Variants in VIP observed in about 807,000 individuals in gnomAD.
VIP encodes the protein VIP peptides.
A neutral mutation model predicts 20.1 loss-of-function variants in VIP; 18 were observed. That is an observed-to-expected ratio of 0.90 (90% CI 0.62 to 1.33). The LOEUF is 1.33. Among genes scored for constraint, VIP ranks in the 40% most tolerant of loss-of-function variants. The probability of loss-of-function intolerance (pLI) is 0.00; values close to 1 mark genes in which losing one functional copy is unlikely to be tolerated. For missense variants in VIP, 209 were observed against 199.4 expected, an observed-to-expected ratio of 1.05 and a Z score of -0.29; for synonymous variants, 70 against 68.1, an observed-to-expected ratio of 1.03 and a Z score of -0.14.
rs758091700 is a variant in VIP, at chr6:152,757,175, C to G, written c.*34C>G. 1.2e-6 allele frequency: 2 copies of G among 1,605,796 alleles called. No individual in the cohort carries two copies. Among genetic ancestry groups the G allele is most frequent in the Admixed American group, 3.4e-5 (2 of 59,638 alleles). ...ACCTTTGGAGCAAAGCTGATGACAA[C>G]TTCCCAGTGGTGGGTATATTCGTGC... On this transcript the variant is annotated 3_prime_UTR_variant, in exon 6 of 7. Transcript: ENST00000367244.
chr6:152,755,731 A>G (rs1393417928), intron 4 of VIP, among the ~76,000 whole-genome samples: 1 of 151,936 alleles, frequency 6.6e-6, no homozygotes, highest in Admixed American at 6.6e-5. Flanking sequence ...GCTCAAATTA[A>G]ATGGAGAATT....
chr6:152,752,217 A>G lies in VIP; in HGVS notation c.40A>G (p.Thr14Ala). The change falls in exon 2 of 7, where the codon ACT becomes GCT. Residue 14 changes from threonine to alanine, a missense_variant. Transcript: ENST00000367244. Reference sequence around the variant, plus strand: ...TAAGGCCCAGCTCCTTGTGCTCCTGACTCTTCTCAGTGTGCTCTTCTCACA... The same window carrying G: ...TAAGGCCCAGCTCCTTGTGCTCCTGGCTCTTCTCAGTGTGCTCTTCTCACA... ...RNKAQLLVLL[T>A]LLSVLFSQTS... 1 of 1,613,272 alleles carries G rather than the reference A, an allele frequency of 6.2e-7. No homozygotes were observed. The highest frequency in any genetic ancestry group is 1.1e-5 in the South Asian group (1 of 91,034).
intron 6 of VIP, among the ~76,000 whole-genome samples, chr6:152,758,657 A>C (rs2129075365): frequency 6.6e-6 from 1 of 152,138 alleles, no homozygotes; most frequent in South Asian, 2.1e-4. Flanking sequence ...TGGGTCATCC[A>C]TTAGTGAAAA....
chr6:152,757,269 C>T (rs1461889612), intron 6 of VIP, 85 bp downstream of exon 6: 3 of 864,282 alleles, frequency 3.5e-6, no homozygotes, highest in Non-Finnish European at 5.3e-6. Context: ...TAAGAAACAT[C>T]TTAGGGTTAA....
chr6:152,756,797 C>T (rs2099730496), intron 5 of VIP, among the ~76,000 whole-genome samples: 1 of 151,802 alleles, frequency 6.6e-6, no homozygotes, highest in Non-Finnish European at 1.5e-5. Flanking sequence ...GTGTAGTGTT[C>T]TGTCTTTTTA....
chr6:152,757,606 A>G (rs1478279000), intron 6 of VIP, among the ~76,000 whole-genome samples: 1 of 151,950 alleles, frequency 6.6e-6, no homozygotes, highest in Non-Finnish European at 1.5e-5. Flanking sequence ...AAGTATAGGG[A>G]AATAGCACCA....
chr6:152,754,233 G>A lies in VIP; in HGVS notation c.175G>A (p.Asp59Asn). ...TCAAGTTTCATTAAAAGAAGACATT[G>A]ACATGTTGCAAAATGCATTAGCTGA... ...PDQVSLKEDI[D>N]MLQNALAEND... The change falls in exon 3 of 7, where the codon GAC (aspartate) becomes AAC (asparagine). Residue 59 changes from aspartate (D) to asparagine (N), a missense_variant. By Grantham distance (23) the Asp-to-Asn change is conservative (BLOSUM62 1). Coordinates refer to ENST00000367244, the MANE Select transcript of VIP (RefSeq NM_003381.4). 1 of 1,611,972 alleles carries A rather than the reference G, an allele frequency of 6.2e-7. No individual in the cohort carries two copies. Among genetic ancestry groups the A allele is most frequent in the Non-Finnish European group, 8.5e-7 (1 of 1,178,782 alleles).
chr6:152,753,631 A>G (rs895526121), intron 2 of VIP, among the ~76,000 whole-genome samples: 3 of 152,110 alleles, frequency 2.0e-5, no homozygotes, highest in African/African-American at 7.2e-5. Context: ...CAATACAGAG[A>G]AATATATAAT....
At position 152,754,103 on chromosome 6, in the gene VIP, G is replaced by A. The variant is rs112924163; in HGVS notation, c.108-63G>A. On this transcript the variant is annotated intron_variant, in intron 2 of 6. Transcript: ENST00000367244. Reference sequence around the variant, plus strand: ...TAAGTATCTTATTTTAAATGGTTGCGGAACCATACACACTGTCTTCTGAAA... The same window carrying A: ...TAAGTATCTTATTTTAAATGGTTGCAGAACCATACACACTGTCTTCTGAAA... 1.3e-3 allele frequency: 2,060 copies of A among 1,532,858 alleles called. 29 individuals carry two copies. The African/African-American group carries it at 0.025, about 19-fold the overall frequency. 95.0% of individuals were successfully genotyped at this position (1,532,858 alleles called of 1,614,324 possible).
chr6:152,757,113 C>A lies in VIP; in HGVS notation c.485C>A (p.Pro162His), dbSNP rs571339006. ...NGKRSSEGESPDFPEELEK is the reference protein window; with the variant it reads ...NGKRSSEGESHDFPEELEK ...GTCTGCAGCAGTGAGGGAGAATCTC[C>A]CGACTTTCCAGAAGAGTTAGAAAAA... Residue 162 changes from proline (P) to histidine (H), a missense_variant, in exon 6 of 7, where the codon CCC becomes CAC. By Grantham distance (77) the Pro-to-His change is moderately conservative. Coordinates refer to ENST00000367244, the MANE Select transcript of VIP (RefSeq NM_003381.4). 1 of 1,611,784 alleles carries A rather than the reference C, an allele frequency of 6.2e-7. No individual in the cohort carries two copies. Among genetic ancestry groups the A allele is most frequent in the South Asian group, 1.1e-5 (1 of 90,940 alleles).
At chr6:152,751,150 T>C (rs762736162) in intron 1 of VIP, among the ~76,000 whole-genome samples, 191 bp downstream of exon 1, 1 of 152,200 alleles carries the variant, frequency 6.6e-6, no homozygotes, top group Non-Finnish European at 1.5e-5. Context: ...ATAGATTTTC[T>C]GAATTCTTTT....
Position 152,756,267 on chromosome 6 carries a change from TAAAGAA to T in VIP, c.467+8_467+13del. 6.2e-7 allele frequency: 1 copy of T among 1,602,000 alleles called. No homozygotes were observed. The highest frequency in any genetic ancestry group is 8.5e-7 in the Non-Finnish European group (1 of 1,175,444). ...CTCAATTCTGAATGGAAAGAGGAGG[TAAAGAA>T]AAAGAGAACTTGCTAAAATGAGGAA... On this transcript the variant is annotated splice_donor_5th_base_variant and intron_variant, in intron 5 of 6. Coordinates refer to ENST00000367244, the MANE Select transcript of VIP (RefSeq NM_003381.4).
In VIP at chr6:152,755,375, TA is replaced by T; in HGVS notation, c.335+5del. ...GTCTCTTATGGGAAAACGTGTTAGG[TA>T]AAGAGAATTTATTATTTTTATAAAA... On this transcript the variant is annotated splice_donor_region_variant and intron_variant, in intron 4 of 6. Transcript: ENST00000367244. The T allele has an allele frequency of 6.7e-7, 1 of 1,493,686 alleles. No individual in the cohort carries two copies. The highest frequency in any genetic ancestry group is 9.0e-7 in the Non-Finnish European group (1 of 1,105,262). 92.5% of individuals were successfully genotyped at this position (1,493,686 alleles called of 1,614,324 possible).
intron 2 of VIP, 103 bp downstream of exon 2, chr6:152,752,387 A>T (rs2099729777): frequency 6.4e-6 from 6 of 936,548 alleles, no homozygotes; most frequent in Non-Finnish European, 9.2e-6. Flanking sequence ...ATTATGTATT[A>T]TGTATTTAAA....
At chr6:152,754,400 C>A in intron 3 of VIP, 112 bp downstream of exon 3, 1 of 997,700 alleles carries the variant, frequency 1.0e-6, no homozygotes, top group Non-Finnish European at 1.4e-6. Context: ...TAGCAAAACA[C>A]TAGAGGTTTC....
chr6:152,759,226 C>A lies in VIP; in HGVS notation c.*360C>A, dbSNP rs2099730867. The A allele has an allele frequency of 6.6e-6, 1 of 151,796 alleles. No individual in the cohort carries two copies. 9.4% of individuals were successfully genotyped at this position (151,796 alleles called of 1,614,324 possible). Reference sequence around the variant, plus strand: ...CGTTTTTGGAAGAGTAGTAATAGAGCAAAATTGATGTGTTTATTTATAGAG... The same window carrying A: ...CGTTTTTGGAAGAGTAGTAATAGAGAAAAATTGATGTGTTTATTTATAGAG... On this transcript the variant is annotated 3_prime_UTR_variant, in exon 7 of 7. Transcript: ENST00000367244.
chr6:152,758,115 C>T (rs1174678031), intron 6 of VIP, among the ~76,000 whole-genome samples: 2 of 151,980 alleles, frequency 1.3e-5, no homozygotes, highest in African/African-American at 4.8e-5. Context: ...ATAGGAGTGA[C>T]TGTGTTCCAA....
chr6:152,755,223 A>C, intron 3 of VIP, 46 bp from the exon 4 acceptor site: 1 of 1,278,942 alleles, frequency 7.8e-7, no homozygotes, highest in Admixed American at 2.3e-5. Flanking sequence ...AATATTCTAG[A>C]AAGCCATTTA....
At position 152,756,178 on chromosome 6, in the gene VIP, A is replaced by G. The variant is rs1409327869; in HGVS notation, c.380A>G (p.Asp127Gly). Residue 127 changes from aspartate (D) to glycine (G), a missense_variant, in exon 5 of 7, where the codon GAT becomes GGT. Transcript: ENST00000367244. ...CCTGTACCAGTCAAACGTCACTCAGATGCAGTCTTCACTGACAACTATACC... is the reference window on the plus strand; with the variant it reads ...CCTGTACCAGTCAAACGTCACTCAGGTGCAGTCTTCACTGACAACTATACC... ...EDPVPVKRHSDAVFTDNYTRL... is the reference protein window; with the variant it reads ...EDPVPVKRHSGAVFTDNYTRL... The G allele has an allele frequency of 1.2e-6, 2 of 1,611,638 alleles. No individual in the cohort carries two copies.
Sources: allele counts gnomAD v4.1 joint callset (sites outside exome capture counted in the v4.1 genomes callset), GRCh38; gene constraint gnomAD v4.1.1; transcripts MANE v1.5; gene names NCBI Gene and HGNC (gene_info 2026-07-23, HGNC 2026-07-21).